ARHGAP8: variants seen among roughly 807,000 people sequenced by gnomAD.
ARHGAP8 encodes Rho GTPase activating protein 8.
Under a neutral mutation model 46.1 loss-of-function variants are expected in ARHGAP8, and 62 were observed. That is an observed-to-expected ratio of 1.34 (90% CI 1.10 to 1.66). The LOEUF (loss-of-function observed/expected upper bound fraction) is 1.66, where lower values mean the gene tolerates loss of function less well. ARHGAP8 is among the 40% of genes most tolerant of loss of function. The pLI, the probability that ARHGAP8 is intolerant of heterozygous loss-of-function variation, is 0.00. For missense variants in ARHGAP8, 923 were observed against 568.4 expected (o/e 1.62, Z -6.34); for synonymous variants, 375 against 243.1 (o/e 1.54, Z -5.05).
chr22:44,824,283 C>T (rs547982020), intron 6 of ARHGAP8, among the ~76,000 whole-genome samples: 1 of 152,364 alleles, frequency 6.6e-6, no homozygotes, highest in South Asian at 2.1e-4. Context: ...GGGACCGAGA[C>T]ATCTCTGGGG....
At position 44,765,956 on chromosome 22, in the gene ARHGAP8, C is replaced by T. The variant is rs1280009045; in HGVS notation, c.-72+13329C>T. On this transcript the variant is annotated intron_variant, in intron 1 of 11. Transcript: ENST00000356099. ...CCTCTCCAGGCCCTAGCAAGCTGCTCCCTGGCGCAGGGAGGACTGGGAAGA... is the reference window on the plus strand; with the variant it reads ...CCTCTCCAGGCCCTAGCAAGCTGCTTCCTGGCGCAGGGAGGACTGGGAAGA... 2.0e-5 allele frequency: 3 copies of T among 152,358 alleles called. No individual in the cohort carries two copies. The East Asian group carries it at 5.8e-4, about 29-fold the overall frequency. 9.4% of individuals were successfully genotyped at this position (152,358 alleles called of 1,614,324 possible). A position where few individuals can be genotyped will look rare whatever the true frequency, so the allele number is the denominator to read the frequency against.
At chr22:44,803,561 T>C (rs915230484) in intron 3 of ARHGAP8, among the ~76,000 whole-genome samples, 1 of 149,662 alleles carries the variant, frequency 6.7e-6, no homozygotes, top group African/African-American at 2.5e-5. Context: ...TGTCCCCTTG[T>C]GTGCTTACCT....
intron 10 of ARHGAP8, among the ~76,000 whole-genome samples, chr22:44,851,481 G>T (rs537538419): frequency 1.3e-5 from 2 of 151,794 alleles, no homozygotes; most frequent in African/African-American, 4.8e-5. Context: ...GCATAATCTC[G>T]GCACACTGCA....
intron 1 of ARHGAP8, among the ~76,000 whole-genome samples, chr22:44,775,379 G>T (rs746407101): frequency 6.6e-6 from 1 of 152,184 alleles, no homozygotes; most frequent in Non-Finnish European, 1.5e-5. Context: ...TTGGCCATCT[G>T]CAGGCAGCCT....
At chr22:44,769,418 A>G (rs1925837659) in intron 1 of ARHGAP8, among the ~76,000 whole-genome samples, 1 of 147,568 alleles carries the variant, frequency 6.8e-6, no homozygotes, top group African/African-American at 2.4e-5. Flanking sequence ...TCTTTTTTGC[A>G]ATTGTTTTTG....
At chr22:44,821,062 A>G (rs1930094575) in intron 5 of ARHGAP8, among the ~76,000 whole-genome samples, 1 of 152,118 alleles carries the variant, frequency 6.6e-6, no homozygotes, top group South Asian at 2.1e-4. Flanking sequence ...ATAAAATAAC[A>G]TAAAATATCT....
At chr22:44,806,739 G>A (rs10222215) in intron 3 of ARHGAP8, among the ~76,000 whole-genome samples, 43,714 of 151,656 alleles carry the variant, frequency 0.29, 6,729 homozygotes, top group East Asian at 0.43. Context: ...TGGATCACGA[G>A]GTCAGAAGAT....
At chr22:44,822,091 G>A (rs1930192785) in intron 5 of ARHGAP8, among the ~76,000 whole-genome samples, 1 of 152,154 alleles carries the variant, frequency 6.6e-6, no homozygotes, top group South Asian at 2.1e-4. Context: ...TCTCCTATAT[G>A]CAAATTCAGG....
At chr22:44,781,233 T>A (rs567834960) in intron 1 of ARHGAP8, among the ~76,000 whole-genome samples, 1 of 152,060 alleles carries the variant, frequency 6.6e-6, no homozygotes, top group Non-Finnish European at 1.5e-5. Context: ...CTTCGTGGAA[T>A]TTTACATACA....
At chr22:44,778,300 A>G (rs919300259) in intron 1 of ARHGAP8, among the ~76,000 whole-genome samples, 3 of 152,100 alleles carry the variant, frequency 2.0e-5, no homozygotes, top group Non-Finnish European at 4.4e-5. Flanking sequence ...TTTCTGAGTT[A>G]CTTCACTTAG....
chr22:44,821,644 G>A (rs972811365), intron 5 of ARHGAP8, among the ~76,000 whole-genome samples: 14 of 152,170 alleles, frequency 9.2e-5, no homozygotes, highest in Non-Finnish European at 1.3e-4. Flanking sequence ...AATAGCAGTC[G>A]TCACAGCGAG....
intron 7 of ARHGAP8, among the ~76,000 whole-genome samples, chr22:44,830,085 A>G (rs1930834895): frequency 6.8e-6 from 1 of 146,634 alleles, no homozygotes; most frequent in African/African-American, 2.5e-5. Flanking sequence ...GTGCAGTGGC[A>G]CGATCTCTGC....
chr22:44,774,581 G>A (rs1926280588), intron 1 of ARHGAP8, among the ~76,000 whole-genome samples: 1 of 140,206 alleles, frequency 7.1e-6, no homozygotes. Flanking sequence ...GGAGTGCAAT[G>A]GCACAGTCTT....
At chr22:44,809,538 G>C in intron 4 of ARHGAP8, 1 of 259,572 alleles carries the variant, frequency 3.9e-6, no homozygotes, top group Non-Finnish European at 7.6e-6. Context: ...TGAGGACATA[G>C]GCCCCAGGGA....
chr22:44,780,437 G>A (rs2147034104), intron 1 of ARHGAP8, among the ~76,000 whole-genome samples: 1 of 152,266 alleles, frequency 6.6e-6, no homozygotes, highest in South Asian at 2.1e-4. Context: ...AAGGCGGGTG[G>A]ACCATCTGAG....
chr22:44,805,780 A>G (rs1435892625), intron 3 of ARHGAP8, among the ~76,000 whole-genome samples: 3 of 152,240 alleles, frequency 2.0e-5, no homozygotes, highest in South Asian at 2.1e-4. Context: ...TATGAAAAAA[A>G]TTAACACCCC....
At chr22:44,832,345 G>A (rs1602239659) in intron 7 of ARHGAP8, among the ~76,000 whole-genome samples, 2 of 150,990 alleles carry the variant, frequency 1.3e-5, no homozygotes, top group Admixed American at 1.3e-4. Flanking sequence ...TCCTGCCTCA[G>A]CCTCCCAAGT....
intron 1 of ARHGAP8, among the ~76,000 whole-genome samples, chr22:44,773,055 A>G (rs1021873594): frequency 1.3e-5 from 2 of 151,952 alleles, no homozygotes; most frequent in East Asian, 1.9e-4. Context: ...GGCTTAAGTT[A>G]CCTTCCTGCT....
intron 10 of ARHGAP8, among the ~76,000 whole-genome samples, chr22:44,859,390 A>G (rs1158377381): frequency 6.6e-6 from 1 of 152,028 alleles, no homozygotes; most frequent in Non-Finnish European, 1.5e-5. Flanking sequence ...TTGCCACGTG[A>G]TGCACCTCCT....
Sources: gnomAD v4.1 joint callset for allele counts (sites outside exome capture counted in the v4.1 genomes callset) on GRCh38, gnomAD v4.1.1 for gene constraint, MANE v1.5 for transcripts, NCBI Gene and HGNC (gene_info 2026-07-23, HGNC 2026-07-21) for gene names.